Variants in TOPAZ1 observed in about 807,000 individuals in gnomAD.
TOPAZ1 encodes the protein testis and ovary specific TOPAZ 1, also known as protein TOPAZ1.
In TOPAZ1, 66 loss-of-function variants were observed where a neutral mutation model predicts 172.2. That is an observed-to-expected ratio of 0.38 (90% CI 0.31 to 0.47). The LOEUF is 0.47. TOPAZ1 is among the 20% of genes least tolerant of loss of function. The probability of loss-of-function intolerance (pLI) is 0.99; values close to 1 mark genes in which losing one functional copy is unlikely to be tolerated. For synonymous variants in TOPAZ1, 681 were observed against 683.9 expected (o/e 1.00, Z 0.07); for missense variants, 1,822 against 1,972.4 (o/e 0.92, Z 1.44).
chr3:44,310,187 C>A (rs1194696345), intron 16 of TOPAZ1, among the ~76,000 whole-genome samples, 197 bp downstream of exon 16: 1 of 152,156 alleles, frequency 6.6e-6, no homozygotes, highest in African/African-American at 2.4e-5. Context: ...ATTATATAAG[C>A]CTTTGTTCAT....
chr3:44,272,862 G>A (rs1008176005), intron 8 of TOPAZ1, among the ~76,000 whole-genome samples: 5 of 152,072 alleles, frequency 3.3e-5, no homozygotes, highest in South Asian at 2.1e-4. Flanking sequence ...CGCAGCCTCC[G>A]TTGCCCATTT....
Position 44,245,028 on chromosome 3 carries a change from T to G in TOPAZ1, c.2522T>G (p.Ile841Arg), listed in dbSNP as rs955082784. 1 of 1,551,506 alleles carries G rather than the reference T, an allele frequency of 6.4e-7. No individual in the cohort carries two copies. Among genetic ancestry groups the G allele is most frequent in the Non-Finnish European group, 8.7e-7 (1 of 1,146,956 alleles). Reference sequence around the variant, plus strand: ...TCCAGTGAAGTTAGGGGTAGAAAAATAACTAAGAATTTTTCAGAGGTAGGG... The same window carrying G: ...TCCAGTGAAGTTAGGGGTAGAAAAAGAACTAAGAATTTTTCAGAGGTAGGG... ...PVSSEVRGRK[I>R]TKNFSEVGFP... The change falls in exon 2 of 20, where the codon ATA becomes AGA. Residue 841 changes from isoleucine to arginine, a missense_variant. By Grantham distance (97) the Ile-to-Arg change is moderately conservative. This residue lies in a region of TOPAZ1 where 1,489 missense variants were observed against 1,490.8 expected (regional missense o/e 1.00). Coordinates refer to ENST00000309765, the MANE Select transcript of TOPAZ1 (RefSeq NM_001145030.2).
At chr3:44,312,334 A>C (rs536241671) in intron 16 of TOPAZ1, among the ~76,000 whole-genome samples, 21 of 152,180 alleles carry the variant, frequency 1.4e-4, no homozygotes, top group Non-Finnish European at 2.6e-4. Flanking sequence ...ATACCCTTAA[A>C]ATATGTGTAG....
At chr3:44,269,642 C>T (rs1213875703) in intron 7 of TOPAZ1, among the ~76,000 whole-genome samples, 5 of 150,064 alleles carry the variant, frequency 3.3e-5, no homozygotes, top group East Asian at 1.9e-4. Context: ...TTTTTTGAGA[C>T]GGAGTCTTGC....
chr3:44,316,078 T>TAA (rs201380534), intron 16 of TOPAZ1, among the ~76,000 whole-genome samples: 1 of 144,900 alleles, frequency 6.9e-6, no homozygotes, highest in East Asian at 2.0e-4. Context: ...CTATGAAATT[T>TAA]AAAAAAAAAA....
intron 9 of TOPAZ1, among the ~76,000 whole-genome samples, chr3:44,286,014 G>T (rs565421537): frequency 4.0e-5 from 6 of 151,444 alleles, no homozygotes; most frequent in Admixed American, 1.3e-4. Flanking sequence ...TTCAAGACCA[G>T]CCTGGCCCAC....
intron 12 of TOPAZ1, among the ~76,000 whole-genome samples, chr3:44,296,677 CA>C (rs1045849996): frequency 1.3e-3 from 195 of 151,154 alleles, no homozygotes; most frequent in Non-Finnish European, 1.5e-3. Context: ...TAAAAGCTTC[CA>C]AAAAAGACAT....
intron 5 of TOPAZ1, among the ~76,000 whole-genome samples, chr3:44,264,639 A>G (rs949763594): frequency 6.6e-6 from 1 of 152,208 alleles, no homozygotes; most frequent in African/African-American, 2.4e-5. Context: ...TTCTTTTCAC[A>G]AAAGATTTCT....
chr3:44,272,264 A>C (rs977899858), intron 8 of TOPAZ1, among the ~76,000 whole-genome samples: 12 of 152,320 alleles, frequency 7.9e-5, no homozygotes, highest in African/African-American at 2.4e-4. Context: ...AAATACACAG[A>C]AGTGAGATTG....
intron 2 of TOPAZ1, among the ~76,000 whole-genome samples, chr3:44,252,106 A>G (rs1476672975): frequency 1.3e-5 from 2 of 152,168 alleles, no homozygotes; most frequent in Non-Finnish European, 2.9e-5. Context: ...CCATACCTAT[A>G]TAAATTATAC....
intron 16 of TOPAZ1, among the ~76,000 whole-genome samples, chr3:44,310,456 G>A (rs1216571810): frequency 2.0e-5 from 3 of 151,992 alleles, no homozygotes; most frequent in Non-Finnish European, 4.4e-5. Flanking sequence ...CCGAGATCGC[G>A]CAATTGCAGT....
intron 16 of TOPAZ1, among the ~76,000 whole-genome samples, chr3:44,318,167 G>T (rs1203347321): frequency 8.6e-5 from 13 of 151,702 alleles, no homozygotes; most frequent in Non-Finnish European, 2.9e-5. Context: ...CCTACTGAGG[G>T]GCGGGCATGG....
intron 9 of TOPAZ1, among the ~76,000 whole-genome samples, chr3:44,285,176 A>G (rs1300181670): frequency 6.6e-6 from 1 of 152,164 alleles, no homozygotes; most frequent in Non-Finnish European, 1.5e-5. Flanking sequence ...TTAAAAAGCA[A>G]TGTAGGCTGG....
chr3:44,323,076 AT>A lies in TOPAZ1; in HGVS notation c.4472-8del, dbSNP rs771551077. ...TAATATAAATGAATTTTATTATATC[AT>A]TTTTTTTATTCCAGAAACTGTGGAA... On this transcript the variant is annotated splice_polypyrimidine_tract_variant and intron_variant, in intron 17 of 19. Transcript: ENST00000309765. The A allele has an allele frequency of 8.0e-5, 118 of 1,473,734 alleles. No homozygotes were observed. The highest frequency in any genetic ancestry group is 5.9e-4 in the South Asian group (44 of 74,454). The allele number at this position is 1,473,734 out of a possible 1,614,324, so 91.3% of individuals were successfully genotyped here.
In TOPAZ1 at chr3:44,267,017, A is replaced by T. The variant is rs1335938894; in HGVS notation, c.3041A>T (p.Asp1014Val). 4.5e-6 allele frequency: 7 copies of T among 1,541,444 alleles called. No homozygotes were observed. In the South Asian group the frequency reaches 7.4e-5, roughly 16 times the overall value. Reference protein sequence around the residue: ...VCKSKDSRNADFMVGECQFAV... With the variant: ...VCKSKDSRNAVFMVGECQFAV... ...CACAGCAAAGATTCTAGAAATGCAGACTTTATGGTCGGCGAATGTCAATTT... is the reference window on the plus strand; with the variant it reads ...CACAGCAAAGATTCTAGAAATGCAGTCTTTATGGTCGGCGAATGTCAATTT... Residue 1014 changes from aspartate to valine, a missense_variant, in exon 6 of 20, where the codon GAC (aspartate) becomes GTC (valine). Asp to Val is a radical substitution (Grantham distance 152). Coordinates refer to ENST00000309765, the MANE Select transcript of TOPAZ1 (RefSeq NM_001145030.2).
intron 4 of TOPAZ1, among the ~76,000 whole-genome samples, chr3:44,261,654 A>G (rs1015387887): frequency 7.9e-5 from 12 of 152,104 alleles, no homozygotes; most frequent in African/African-American, 2.7e-4. Flanking sequence ...TTTGAGTTTC[A>G]TATGAATTTT....
At chr3:44,334,979 A>G (rs890901311), downstream of TOPAZ1, among the ~76,000 whole-genome samples, 1 of 152,130 alleles carries the variant, frequency 6.6e-6, no homozygotes, top group Admixed American at 6.6e-5. Flanking sequence ...TGATTTCATG[A>G]TAAGTACAAC....
At chr3:44,256,421 ATC>A in intron 4 of TOPAZ1, 143 bp downstream of exon 4, 1 of 742,150 alleles carries the variant, frequency 1.3e-6, no homozygotes, top group South Asian at 2.3e-5. Context: ...CATGGGATGT[ATC>A]CCTTGATACT....
chr3:44,244,336 T>C lies in TOPAZ1; in HGVS notation c.1830T>C (p.Ser610=), dbSNP rs750674556. The C allele has an allele frequency of 5.8e-6, 9 of 1,550,448 alleles. No homozygotes were observed. The change falls in exon 2 of 20, where the codon TCT becomes TCC. Residue 610 remains serine, a synonymous_variant. Coordinates refer to ENST00000309765, the MANE Select transcript of TOPAZ1 (RefSeq NM_001145030.2). ...GCAGAAGAGGGTCAGAGGTAATTTC[T>C]AACACTACTGAAGATACTCAATTAA... is the stretch of plus-strand genomic sequence containing the variant. ...ELSRRGSEVI[S]NTTEDTQLTS...
Sources: allele counts gnomAD v4.1 joint callset (sites outside exome capture counted in the v4.1 genomes callset), GRCh38; gene constraint gnomAD v4.1.1; regional missense constraint gnomAD v4.1.1; transcripts MANE v1.5; gene names NCBI Gene and HGNC (gene_info 2026-07-23, HGNC 2026-07-21).